Variants in EXOC4 observed in about 807,000 individuals in gnomAD.
EXOC4 encodes the protein SEC8-like 1.
A neutral mutation model predicts 107.2 loss-of-function variants in EXOC4; 71 were observed. That is an observed-to-expected ratio of 0.66 (90% CI 0.55 to 0.81). EXOC4 has a LOEUF of 0.81. Among genes scored for constraint, EXOC4 ranks in the 30% least tolerant of loss-of-function variants. The pLI is 0.00. For missense variants in EXOC4, 1,108 were observed against 1,189.6 expected, an observed-to-expected ratio of 0.93 and a Z score of 1.01; for synonymous variants, 456 against 441.2, an observed-to-expected ratio of 1.03 and a Z score of -0.42.
intron 17 of EXOC4, among the ~76,000 whole-genome samples, chr7:134,017,271 A>C (rs1794931152): frequency 1.3e-5 from 2 of 152,130 alleles, no homozygotes; most frequent in Admixed American, 1.3e-4. Context: ...GCTGCCAAAA[A>C]AATTCTTTTT....
intron 13 of EXOC4, among the ~76,000 whole-genome samples, chr7:133,935,468 A>G (rs545919105): frequency 2.0e-5 from 3 of 152,312 alleles, no homozygotes; most frequent in African/African-American, 7.2e-5. Flanking sequence ...CTGGGTAGGC[A>G]GCTAATGGTT....
At chr7:133,382,748 A>C in intron 7 of EXOC4, among the ~76,000 whole-genome samples, 1 of 152,332 alleles carries the variant, frequency 6.6e-6, no homozygotes, top group Middle Eastern at 3.4e-3. Context: ...TGTTCCTTGT[A>C]TATTAAATTC....
At chr7:133,436,061 TG>T (rs1032882248) in intron 7 of EXOC4, among the ~76,000 whole-genome samples, 9 of 151,786 alleles carry the variant, frequency 5.9e-5, no homozygotes, top group African/African-American at 2.2e-4. Flanking sequence ...TTTTTTTTTT[TG>T]TTTTTTTAAA....
chr7:134,064,704 C>T lies in EXOC4; in HGVS notation c.*176C>T, dbSNP rs538248470. ...TTTTCATATAAATGCTAAAGGAAGG[C>T]GACAGTACAGAGTGTTTTGGTTGAA... On this transcript the variant is annotated 3_prime_UTR_variant, in exon 18 of 18. Coordinates refer to ENST00000253861, the MANE Select transcript of EXOC4 (RefSeq NM_021807.4). The T allele has an allele frequency of 6.1e-5, 28 of 455,980 alleles. No individual in the cohort carries two copies. Among genetic ancestry groups the T allele is most frequent in the East Asian group, 2.5e-4 (7 of 28,520 alleles). 28.2% of individuals were successfully genotyped at this position (455,980 alleles called of 1,614,324 possible).
intron 9 of EXOC4, among the ~76,000 whole-genome samples, chr7:133,609,977 G>C (rs968896924): frequency 1.3e-5 from 2 of 152,138 alleles, no homozygotes; most frequent in Admixed American, 6.5e-5. Context: ...AGGCTCAAAT[G>C]CTGCTTTATT....
At chr7:133,836,067 T>A (rs374199996) in intron 11 of EXOC4, among the ~76,000 whole-genome samples, 1 of 152,232 alleles carries the variant, frequency 6.6e-6, no homozygotes, top group Non-Finnish European at 1.5e-5. Context: ...GTTCTGGACA[T>A]GTAGGCACAG....
At chr7:133,902,027 A>T (rs1398636727) in intron 12 of EXOC4, among the ~76,000 whole-genome samples, 6 of 152,218 alleles carry the variant, frequency 3.9e-5, no homozygotes, top group Non-Finnish European at 8.8e-5. Flanking sequence ...TTAGGAAAGG[A>T]TCATGTGACC....
At chr7:133,646,735 G>T (rs1343891138) in intron 10 of EXOC4, among the ~76,000 whole-genome samples, 2 of 152,190 alleles carry the variant, frequency 1.3e-5, no homozygotes, top group East Asian at 3.8e-4. Context: ...GCCTGGAGAA[G>T]TTTACATTTG....
intron 17 of EXOC4, among the ~76,000 whole-genome samples, chr7:134,044,131 GC>G (rs1795590150): frequency 6.6e-6 from 1 of 152,158 alleles, no homozygotes; most frequent in African/African-American, 2.4e-5. Context: ...GCTCAAAGGA[GC>G]CTGTGTAGAG....
chr7:133,378,435 T>C lies in EXOC4; in HGVS notation c.1182+3433T>C, dbSNP rs531217985. On this transcript the variant is annotated intron_variant, in intron 7 of 17. Coordinates refer to ENST00000253861, the MANE Select transcript of EXOC4 (RefSeq NM_021807.4). ...TGTGGACAAAAAAAAAAAATGCTTT[T>C]CCCCCCCACATTTCTTGATTTATTT... 6.4e-3 allele frequency among the ~76,000 whole-genome samples: 966 copies of C among 151,638 alleles called. 8 individuals carry two copies. Among genetic ancestry groups the C allele is most frequent in the African/African-American group, 0.016 (682 of 41,362 alleles).
At chr7:133,571,835 A>G (rs2150959765) in intron 9 of EXOC4, among the ~76,000 whole-genome samples, 1 of 152,316 alleles carries the variant, frequency 6.6e-6, no homozygotes, top group Middle Eastern at 3.4e-3. Context: ...GAAAGGCAGA[A>G]GAGTAAAAGA....
intron 17 of EXOC4, among the ~76,000 whole-genome samples, chr7:134,035,083 T>C (rs1795358403): frequency 6.7e-6 from 1 of 149,858 alleles, no homozygotes; most frequent in Non-Finnish European, 1.5e-5. Context: ...TCTCACTCTG[T>C]TGGCCAGGCT....
At chr7:133,666,979 T>C (rs1793831738) in intron 10 of EXOC4, among the ~76,000 whole-genome samples, 2 of 152,140 alleles carry the variant, frequency 1.3e-5, no homozygotes, top group Non-Finnish European at 2.9e-5. Context: ...CAGATGGGTG[T>C]CTTCTTTTTC....
intron 14 of EXOC4, among the ~76,000 whole-genome samples, chr7:133,989,932 A>C (rs1271120232): frequency 6.6e-6 from 1 of 152,196 alleles, no homozygotes; most frequent in Non-Finnish European, 1.5e-5. Context: ...GTGGTACCGC[A>C]AGCTTCTTTT....
intron 10 of EXOC4, among the ~76,000 whole-genome samples, chr7:133,651,387 A>G (rs1483052404): frequency 3.9e-5 from 6 of 152,212 alleles, no homozygotes; most frequent in African/African-American, 1.4e-4. Flanking sequence ...CACCTATAGT[A>G]TCCTTAGCAC....
At chr7:133,267,307 A>G (rs900922628) in intron 1 of EXOC4, among the ~76,000 whole-genome samples, 1 of 152,174 alleles carries the variant, frequency 6.6e-6, no homozygotes, top group African/African-American at 2.4e-5. Context: ...TCTGGCTCCC[A>G]GTTTTCTCCT....
At chr7:133,365,923 A>G (rs1796240977) in intron 6 of EXOC4, among the ~76,000 whole-genome samples, 1 of 152,208 alleles carries the variant, frequency 6.6e-6, no homozygotes, top group Non-Finnish European at 1.5e-5. Context: ...CTTTTAGAGC[A>G]TAATCGTAGG....
chr7:133,679,398 A>G (rs1432102276), intron 10 of EXOC4, among the ~76,000 whole-genome samples: 1 of 151,962 alleles, frequency 6.6e-6, no homozygotes, highest in Non-Finnish European at 1.5e-5. Context: ...GTGATAAATT[A>G]CCTCCTCCCT....
At position 133,818,309 on chromosome 7, in the gene EXOC4, C is replaced by A. The variant is rs539122696; in HGVS notation, c.1734+765C>A. Among the ~76,000 whole-genome samples the A allele has an allele frequency of 3.7e-3, 567 of 152,274 alleles. 4 individuals carry two copies. Among genetic ancestry groups the A allele is most frequent in the African/African-American group, 0.013 (537 of 41,546 alleles). On this transcript the variant is annotated intron_variant, in intron 11 of 17. Transcript: ENST00000253861. ...TAAGAGTAGGATGGGCACAGTCTCA[C>A]ACTTTTACCTAAATTGTACAATATG... is the stretch of plus-strand genomic sequence containing the variant.
Sources: allele counts gnomAD v4.1 joint callset (sites outside exome capture counted in the v4.1 genomes callset), GRCh38; gene constraint gnomAD v4.1.1; transcripts MANE v1.5; gene names NCBI Gene and HGNC (gene_info 2026-07-23, HGNC 2026-07-21).